The following DCTD variants were observed in gnomAD, a reference collection of about 807,000 sequenced individuals.
DCTD encodes dCMP deaminase, also known as deoxycytidylate deaminase.
Under a neutral mutation model 21.0 loss-of-function variants are expected in DCTD, and 23 were observed. That is an observed-to-expected ratio of 1.09 (90% CI 0.79 to 1.55). DCTD has a LOEUF of 1.55. Ranked by LOEUF, DCTD falls within the 40% of genes most tolerant of loss-of-function variation. DCTD has a pLI of 0.00. For synonymous variants in DCTD, 71 were observed against 81.1 expected, an observed-to-expected ratio of 0.88 and a Z score of 0.67; for missense variants, 224 against 230.0, an observed-to-expected ratio of 0.97 and a Z score of 0.17.
upstream of DCTD, chr4:182,917,466 G>A (rs1270047490): frequency 6.1e-5 from 13 of 214,542 alleles, 1 homozygote; most frequent in South Asian, 1.6e-3. This position sits in a 1 kb window ranked among gnomAD's most constrained non-coding sequence, Gnocchi z 4.9. Context: ...GGCCCCGGGG[G>A]CCCGAAGCCC....
chr4:182,892,442 C>T (rs1470386260), intron 5 of DCTD, among the ~76,000 whole-genome samples: 1 of 152,022 alleles, frequency 6.6e-6, no homozygotes, highest in Non-Finnish European at 1.5e-5. Flanking sequence ...CTGAGGCAGG[C>T]AGCTCATGAG....
In DCTD at chr4:182,891,083, C is replaced by G. The variant is rs1733655131; in HGVS notation, c.*316G>C. 3.6e-6 allele frequency: 1 copy of G among 281,502 alleles called. No homozygotes were observed. Among genetic ancestry groups the G allele is most frequent in the African/African-American group, 2.1e-5 (1 of 46,524 alleles). 17.4% of individuals were successfully genotyped at this position (281,502 alleles called of 1,614,324 possible). ...CTGCCGGATCGCAGCAGATGACAGACAGCTGATGCTCCTCTGAAGAGCCAC... is the reference window on the plus strand; with the variant it reads ...CTGCCGGATCGCAGCAGATGACAGAGAGCTGATGCTCCTCTGAAGAGCCAC... On this transcript the variant is annotated 3_prime_UTR_variant, in exon 6 of 6. Coordinates refer to ENST00000438320, the MANE Select transcript of DCTD (RefSeq NM_001921.3).
At chr4:182,908,682 C>CAAAAAAAAA (rs34915632) in intron 3 of DCTD, among the ~76,000 whole-genome samples, 22 of 63,718 alleles carry the variant, frequency 3.5e-4, no homozygotes, top group East Asian at 1.5e-3. Context: ...GACTCTGTCT[C>CAAAAAAAAA]AAAAAAAAAA....
chr4:182,916,800 G>C (rs1182825039), intron 1 of DCTD: 33 of 1,117,202 alleles, frequency 3.0e-5, no homozygotes, highest in Non-Finnish European at 3.7e-5. Context: ...AATCCCCTGG[G>C]CGCCTTCTCC....
intron 3 of DCTD, among the ~76,000 whole-genome samples, chr4:182,899,399 C>CTTTTTTTTTTTTTTTTTTTTTTTTT (rs548073020): frequency 6.9e-6 from 1 of 144,328 alleles, no homozygotes. Flanking sequence ...CCTTTTTTTT[C>CTTTTTTTTTTTTTTTTTTTTTTTTT]TTTTTCTTTT....
chr4:182,897,221 C>T (rs1169047334), intron 3 of DCTD, among the ~76,000 whole-genome samples: 1 of 151,938 alleles, frequency 6.6e-6, no homozygotes, highest in Non-Finnish European at 1.5e-5. Flanking sequence ...AAATAATGCA[C>T]AGCATTATAA....
At chr4:182,909,987 C>T (rs1455206681) in intron 3 of DCTD, among the ~76,000 whole-genome samples, 2 of 152,192 alleles carry the variant, frequency 1.3e-5, no homozygotes, top group South Asian at 4.1e-4. Flanking sequence ...TTTTCCTTCC[C>T]AGCATTACAT....
chr4:182,894,373 T>C (rs552157024), intron 4 of DCTD, 116 bp downstream of exon 4: 2 of 646,524 alleles, frequency 3.1e-6, no homozygotes, highest in South Asian at 4.1e-5. Flanking sequence ...GCAAAGCTGA[T>C]AGTGCAATTA....
intron 3 of DCTD, among the ~76,000 whole-genome samples, chr4:182,908,757 T>C (rs1737187705): frequency 6.6e-6 from 1 of 150,536 alleles, no homozygotes; most frequent in Non-Finnish European, 1.5e-5. Flanking sequence ...TGCATTCAGA[T>C]CATTAATGTG....
At chr4:182,908,817 G>T (rs1456475874) in intron 3 of DCTD, among the ~76,000 whole-genome samples, 3 of 151,890 alleles carry the variant, frequency 2.0e-5, no homozygotes, top group Non-Finnish European at 4.4e-5. Context: ...ATGTGCCCCT[G>T]ACATTTTATC....
rs1733534214 is a variant in DCTD, at chr4:182,890,354, GT to G, written c.*1044del. The G allele has an allele frequency of 6.6e-6, 1 of 152,278 alleles. No homozygotes were observed. The highest frequency in any genetic ancestry group is 1.5e-5 in the Non-Finnish European group (1 of 68,076). 9.4% of individuals were successfully genotyped at this position (152,278 alleles called of 1,614,324 possible). ...TCCCCGCCCCGCGGTGATTAGGAAG[GT>G]GATGCTTGTGTAGGTGAAAGCATGG... On this transcript the variant is annotated 3_prime_UTR_variant, in exon 6 of 6. Coordinates refer to ENST00000438320, the MANE Select transcript of DCTD (RefSeq NM_001921.3).
chr4:182,897,649 A>C (rs1179335973), intron 3 of DCTD, among the ~76,000 whole-genome samples: 1 of 152,136 alleles, frequency 6.6e-6, no homozygotes, highest in Non-Finnish European at 1.5e-5. Flanking sequence ...AGGAAACTCA[A>C]GTGTTCGGTG....
intron 3 of DCTD, among the ~76,000 whole-genome samples, chr4:182,898,752 G>A (rs1161827332): frequency 6.6e-6 from 1 of 152,054 alleles, no homozygotes; most frequent in African/African-American, 2.4e-5. Flanking sequence ...CTCCTTTCAA[G>A]ATGAAATCAT....
Position 182,914,945 on chromosome 4 carries a change from C to G in DCTD, c.222G>C (p.Lys74Asn), listed in dbSNP as rs770313616. ...VLPWRRTAENKLDTKYPYVCH... is the reference protein window; with the variant it reads ...VLPWRRTAENNLDTKYPYVCH... ...TACCGTACGGGTATTTGGTGTCCAGCTTATTCTCTGCTGTCCTTCTCCAAG... is the reference window on the plus strand; with the variant it reads ...TACCGTACGGGTATTTGGTGTCCAGGTTATTCTCTGCTGTCCTTCTCCAAG... Residue 74 changes from lysine to asparagine, a missense_variant, in exon 3 of 6, where the codon AAG becomes AAC. Physicochemically the swap from Lys to Asn is moderately conservative, Grantham distance 94 (BLOSUM62 0). Transcript: ENST00000438320. 1.2e-6 allele frequency: 2 copies of G among 1,614,214 alleles called. No homozygotes were observed. Among genetic ancestry groups the G allele is most frequent in the South Asian group, 2.2e-5 (2 of 91,084 alleles).
Position 182,904,322 on chromosome 4 carries a change from C to A in DCTD, c.245-9717G>T. On this transcript the variant is annotated intron_variant, in intron 3 of 5. Coordinates refer to ENST00000438320, the MANE Select transcript of DCTD (RefSeq NM_001921.3). ...TGTGGAAATAGCTGTACTGCATCCA[C>A]GGTAGGCCATGCCAACTCCCTTCCC... Among the ~76,000 whole-genome samples, 2 of 152,206 alleles carry A rather than the reference C, an allele frequency of 1.3e-5. 1 individual carries two copies. The highest frequency in any genetic ancestry group is 3.8e-4 in the East Asian group (2 of 5,198).
intron 4 of DCTD, 89 bp from the exon 5 acceptor site, chr4:182,893,216 C>A: frequency 1.3e-6 from 1 of 775,246 alleles, no homozygotes; most frequent in South Asian, 1.5e-5. Context: ...CTTTCAGCGT[C>A]TATGATTAAT....
chr4:182,899,549 C>T (rs1431653440), intron 3 of DCTD, among the ~76,000 whole-genome samples: 2 of 151,908 alleles, frequency 1.3e-5, no homozygotes, highest in Non-Finnish European at 2.9e-5. Flanking sequence ...TACAGGCACC[C>T]GTCACCATGC....
intron 3 of DCTD, among the ~76,000 whole-genome samples, chr4:182,899,871 T>C (rs947518958): frequency 8.5e-5 from 13 of 152,308 alleles, no homozygotes; most frequent in African/African-American, 2.9e-4. Flanking sequence ...ATATCTCTTA[T>C]CCAAAATGCT....
chr4:182,912,992 G>A (rs1737988601), intron 3 of DCTD, among the ~76,000 whole-genome samples: 1 of 152,166 alleles, frequency 6.6e-6, no homozygotes, highest in Non-Finnish European at 1.5e-5. Context: ...CAGACTCGGT[G>A]ACATACTGAC....
Sources: gnomAD v4.1 joint callset for allele counts (sites outside exome capture counted in the v4.1 genomes callset) on GRCh38, gnomAD v4.1.1 for gene constraint, Gnocchi (gnomAD v3.1) non-coding constraint, MANE v1.5 for transcripts, NCBI Gene and HGNC (gene_info 2026-07-23, HGNC 2026-07-21) for gene names.